The following TRPC7 variants were observed in gnomAD, a reference collection of about 807,000 sequenced individuals.
TRPC7 encodes the protein short transient receptor potential channel 7.
Under a neutral mutation model 90.1 loss-of-function variants are expected in TRPC7, and 42 were observed. The observed-to-expected ratio is 0.47, with a 90% CI of 0.36 to 0.60. The LOEUF is 0.60. TRPC7 is among the 20% of genes least tolerant of loss of function. The probability of loss-of-function intolerance (pLI) is 0.00; values close to 1 mark genes in which losing one functional copy is unlikely to be tolerated. For missense variants in TRPC7, 955 were observed against 1,112.3 expected (o/e 0.86, Z 2.01); for synonymous variants, 451 against 436.3 (o/e 1.03, Z -0.42).
chr5:136,321,222 A>G (rs912326208), intron 2 of TRPC7, among the ~76,000 whole-genome samples: 3 of 151,962 alleles, frequency 2.0e-5, no homozygotes, highest in Admixed American at 6.6e-5. Context: ...GTTTCCTTCT[A>G]TTTGGCACAC....
chr5:136,304,896 G>A (rs980789069), intron 3 of TRPC7, among the ~76,000 whole-genome samples: 2 of 152,196 alleles, frequency 1.3e-5, no homozygotes, highest in Non-Finnish European at 2.9e-5. Context: ...ACCGTACCCT[G>A]TAGCCTTTCT....
chr5:136,220,946 T>C (rs1463640690), intron 10 of TRPC7, among the ~76,000 whole-genome samples: 1 of 152,180 alleles, frequency 6.6e-6, no homozygotes, highest in Non-Finnish European at 1.5e-5. Flanking sequence ...AGAAAGAACC[T>C]ACATTGAAAT....
chr5:136,356,966 G>T lies in TRPC7; in HGVS notation c.422C>A (p.Pro141Gln), dbSNP rs571109629. 3.1e-6 allele frequency: 5 copies of T among 1,612,372 alleles called. No individual in the cohort carries two copies. In the East Asian group the frequency reaches 1.1e-4, roughly 36 times the overall value. The stretch of plus-strand genomic sequence containing the variant: ...GTCGTCGCGCAGCTCCTGTTCCAGC[G>T]GGCTGAGCGTCAGGCGCTGGCCCTG... ...FAQGQRLTLSPLEQELRDDDF... is the reference protein window; with the variant it reads ...FAQGQRLTLSQLEQELRDDDF... Residue 141 changes from proline to glutamine, a missense_variant, in exon 2 of 12, where the codon CCG becomes CAG. Pro to Gln is a moderately conservative substitution (Grantham distance 76). This residue lies in a region of TRPC7 where 484 missense variants were observed against 509.6 expected (regional missense o/e 0.95). Coordinates refer to ENST00000513104, the MANE Select transcript of TRPC7 (RefSeq NM_020389.3).
intron 1 of TRPC7, among the ~76,000 whole-genome samples, chr5:136,359,823 A>C (rs573178559): frequency 6.6e-6 from 1 of 152,186 alleles, no homozygotes; most frequent in Admixed American, 6.5e-5. Context: ...AAAGAAGACT[A>C]ATAATAATCT....
intron 3 of TRPC7, among the ~76,000 whole-genome samples, chr5:136,292,313 A>G (rs1354367332): frequency 1.0e-4 from 15 of 149,522 alleles, no homozygotes; most frequent in South Asian, 2.2e-4. Flanking sequence ...TGAAGGAAAT[A>G]GAGACACAAA....
intron 3 of TRPC7, among the ~76,000 whole-genome samples, chr5:136,276,666 TG>T (rs1010984217): frequency 4.9e-4 from 75 of 152,364 alleles, no homozygotes; most frequent in African/African-American, 1.8e-3. Flanking sequence ...GTAGCATTAC[TG>T]GCTTTTCTTT....
At chr5:136,323,814 T>G (rs1198401186) in intron 2 of TRPC7, among the ~76,000 whole-genome samples, 2 of 152,164 alleles carry the variant, frequency 1.3e-5, no homozygotes, top group Admixed American at 1.3e-4. Context: ...TTCTCATTCC[T>G]TCCCTTTACG....
At chr5:136,250,907 G>A (rs147935256) in intron 6 of TRPC7, among the ~76,000 whole-genome samples, 255 of 152,288 alleles carry the variant, frequency 1.7e-3, no homozygotes, top group African/African-American at 5.8e-3. Flanking sequence ...AGGATTCCCT[G>A]CTATACAAGG....
rs1430403662 is a variant in TRPC7, at chr5:136,226,022, C to T, written c.2262+12G>A. On this transcript the variant is annotated intron_variant, in intron 9 of 11. Coordinates refer to ENST00000513104, the MANE Select transcript of TRPC7 (RefSeq NM_020389.3). Reference sequence around the variant, plus strand: ...CTGCCTTCTCCAGCCTCATAAACCACATGCTACCTACCTTGAATTTGGAAT... The same window carrying T: ...CTGCCTTCTCCAGCCTCATAAACCATATGCTACCTACCTTGAATTTGGAAT... 1.3e-6 allele frequency: 2 copies of T among 1,574,732 alleles called. No homozygotes were observed. Among genetic ancestry groups the T allele is most frequent in the Non-Finnish European group, 1.7e-6 (2 of 1,157,958 alleles).
chr5:136,240,975 G>A (rs1756144702), intron 7 of TRPC7, among the ~76,000 whole-genome samples: 2 of 152,076 alleles, frequency 1.3e-5, no homozygotes, highest in South Asian at 2.1e-4. Flanking sequence ...GCTCAGCCTT[G>A]AAGCTGGGAC....
intron 3 of TRPC7, among the ~76,000 whole-genome samples, chr5:136,310,749 C>T (rs535358534): frequency 6.6e-6 from 1 of 152,280 alleles, no homozygotes; most frequent in Admixed American, 6.5e-5. Flanking sequence ...TTCCCCCACC[C>T]CACTGCAAAG....
intron 2 of TRPC7, among the ~76,000 whole-genome samples, chr5:136,347,060 C>T (rs1479019090): frequency 6.6e-6 from 1 of 152,126 alleles, no homozygotes; most frequent in Non-Finnish European, 1.5e-5. Context: ...GGTGCGTTGA[C>T]AAGTCAAGGT....
At chr5:136,338,870 C>A (rs1434779808) in intron 2 of TRPC7, among the ~76,000 whole-genome samples, 1 of 151,922 alleles carries the variant, frequency 6.6e-6, no homozygotes, top group Non-Finnish European at 1.5e-5. Context: ...TACCACTCTA[C>A]AGCCTAAAAA....
intron 2 of TRPC7, among the ~76,000 whole-genome samples, chr5:136,346,166 A>G (rs2149855210): frequency 6.6e-6 from 1 of 152,328 alleles, no homozygotes; most frequent in Admixed American, 6.5e-5. Context: ...CCAACATGGC[A>G]CATGTATACA....
Position 136,357,210 on chromosome 5 carries a change from G to A in TRPC7, c.178C>T (p.Arg60Trp), listed in dbSNP as rs1391101274. The A allele has an allele frequency of 1.2e-6, 2 of 1,613,806 alleles. No individual in the cohort carries two copies. Among genetic ancestry groups the A allele is most frequent in the African/African-American group, 1.3e-5 (1 of 74,988 alleles). The change falls in exon 2 of 12, where the codon CGG (arginine) becomes TGG (tryptophan). Residue 60 changes from arginine (R) to tryptophan (W), a missense_variant. Around this residue, in one of 4 missense-constraint regions of TRPC7, gnomAD observed 161 missense variants for 145.7 expected, o/e 1.10. Coordinates refer to ENST00000513104, the MANE Select transcript of TRPC7 (RefSeq NM_020389.3). ...SAEYGNIPVV[R>W]KMLEESKTLN... ...GTCTTGGACTCCTCCAGCATTTTCC[G>A]GACCACCGGGATGTTGCCATACTCA...
At chr5:136,347,734 A>G (rs1237983370) in intron 2 of TRPC7, among the ~76,000 whole-genome samples, 2 of 152,096 alleles carry the variant, frequency 1.3e-5, no homozygotes, top group Non-Finnish European at 2.9e-5. Context: ...AATTGACATC[A>G]CTCTCCTGTT....
chr5:136,227,503 C>A lies in TRPC7; in HGVS notation c.2041-1248G>T, dbSNP rs1755666421. Among the ~76,000 whole-genome samples, 3 of 152,138 alleles carry A rather than the reference C, an allele frequency of 2.0e-5. No homozygotes were observed. In the South Asian group the frequency reaches 6.2e-4, roughly 32 times the overall value. ...CAGGAGAGGCTGCTGGGATATACCA[C>A]AAGAGTATAGGGTTATAATCAGCAG... On this transcript the variant is annotated intron_variant, in intron 8 of 11. Coordinates refer to ENST00000513104, the MANE Select transcript of TRPC7 (RefSeq NM_020389.3).
intron 3 of TRPC7, among the ~76,000 whole-genome samples, chr5:136,305,968 T>A (rs1310878760): frequency 6.6e-6 from 1 of 152,136 alleles, no homozygotes; most frequent in Non-Finnish European, 1.5e-5. Context: ...CTCCTTTTTA[T>A]TAGGCCCCAG....
intron 1 of TRPC7, among the ~76,000 whole-genome samples, chr5:136,360,836 A>G (rs1372562323): frequency 1.3e-5 from 2 of 152,190 alleles, no homozygotes; most frequent in Admixed American, 6.5e-5. Context: ...GAGGCCTTTT[A>G]ACCTCACTGT....
Sources: allele counts gnomAD v4.1 joint callset (sites outside exome capture counted in the v4.1 genomes callset), GRCh38; gene constraint gnomAD v4.1.1; regional missense constraint gnomAD v4.1.1; transcripts MANE v1.5; gene names NCBI Gene and HGNC (gene_info 2026-07-23, HGNC 2026-07-21).